MAMLD1: variants seen among roughly 807,000 people sequenced by gnomAD.
The protein encoded by MAMLD1 is mastermind like domain containing 1, also known as mastermind-like domain-containing protein 1.
In MAMLD1, 14 loss-of-function variants were observed where a neutral mutation model predicts 45.0. The ratio of observed to expected loss-of-function variants is 0.31; its 90% CI spans 0.21 to 0.49. MAMLD1 has a LOEUF of 0.49. Among genes scored for constraint, MAMLD1 ranks in the 20% least tolerant of loss-of-function variants. The probability of loss-of-function intolerance (pLI) is 0.99; values close to 1 mark genes in which losing one functional copy is unlikely to be tolerated. For missense variants in MAMLD1, 543 were observed against 603.6 expected, an observed-to-expected ratio of 0.90 and a Z score of 1.05; for synonymous variants, 254 against 247.8, an observed-to-expected ratio of 1.02 and a Z score of -0.24.
intron 6 of MAMLD1, among the ~76,000 whole-genome samples, chrX:150,506,411 C>T (rs1557408828): frequency 9.2e-6 from 1 of 108,462 alleles, no homozygotes; most frequent in East Asian, 2.9e-4. Context: ...CCCTCCCTTC[C>T]TTCCTCCCTT....
At chrX:150,483,569 G>C (rs1387996910) in intron 5 of MAMLD1, among the ~76,000 whole-genome samples, 1 of 112,567 alleles carries the variant, frequency 8.9e-6, no homozygotes, top group African/African-American at 3.2e-5. Context: ...CTTGCACTGG[G>C]CAGAAAGGAG....
chrX:150,481,155 T>C (rs1244192067), intron 5 of MAMLD1, among the ~76,000 whole-genome samples: 1 of 113,110 alleles, frequency 8.8e-6, no homozygotes, highest in African/African-American at 3.2e-5. Flanking sequence ...CTTTGAACGA[T>C]GTGGGAGGCC....
At chrX:150,448,888 T>C (rs1017210345) in intron 2 of MAMLD1, among the ~76,000 whole-genome samples, 1 of 111,816 alleles carries the variant, frequency 8.9e-6, no homozygotes, top group Non-Finnish European at 1.9e-5. Flanking sequence ...TACCCCACCA[T>C]AAGTGGCAAA....
rs72612714 is a variant in MAMLD1, at chrX:150,372,483, G to A, written c.-64+8953G>A. Among the ~76,000 whole-genome samples, 46 of 112,200 alleles carry A rather than the reference G, an allele frequency of 4.1e-4. No individual in the cohort carries two copies. The East Asian group carries it at 4.5e-3, about 11-fold the overall frequency. Reference sequence around the variant, plus strand: ...CAGTTGCCAACGTCACATGGTTTGCGTGTCTAATTCTGAAAGACTGGCATG... The same window carrying A: ...CAGTTGCCAACGTCACATGGTTTGCATGTCTAATTCTGAAAGACTGGCATG... On this transcript the variant is annotated intron_variant, in intron 1 of 7. Transcript: ENST00000370401.
Position 150,512,909 on chromosome X carries a change from G to A in MAMLD1, c.*950G>A. 1 of 1,154,673 alleles carries A rather than the reference G, an allele frequency of 8.7e-7. No homozygotes were observed. Among genetic ancestry groups the A allele is most frequent in the Non-Finnish European group, 1.1e-6 (1 of 871,633 alleles). On this transcript the variant is annotated 3_prime_UTR_variant, in exon 8 of 8. Coordinates refer to ENST00000370401, the MANE Select transcript of MAMLD1 (RefSeq NM_005491.5). ...GATTTCGTCACCTGACTGCAATGAG[G>A]TAGATTTCATTGAAGCTCTCTTGAA... is the stretch of plus-strand genomic sequence containing the variant.
chrX:150,402,242 C>T (rs2033803038), intron 1 of MAMLD1, among the ~76,000 whole-genome samples: 1 of 109,392 alleles, frequency 9.1e-6, no homozygotes, highest in African/African-American at 3.4e-5. Context: ...ACAAACAACC[C>T]CATCAAAAAG....
chrX:150,403,847 A>G (rs111781192), intron 1 of MAMLD1, among the ~76,000 whole-genome samples: 17 of 96,895 alleles, frequency 1.8e-4, no homozygotes, highest in Admixed American at 3.4e-4. Context: ...GAGAGAGAGA[A>G]AGAGAAGGAA....
At chrX:150,368,163 T>C (rs1450141632) in intron 1 of MAMLD1, among the ~76,000 whole-genome samples, 1 of 111,934 alleles carries the variant, frequency 8.9e-6, no homozygotes, top group Non-Finnish European at 1.9e-5. Context: ...TGAACTAGTT[T>C]ACAGTCCCAC....
At chrX:150,365,119 C>T (rs2031314931) in intron 1 of MAMLD1, among the ~76,000 whole-genome samples, 3 of 109,240 alleles carry the variant, frequency 2.7e-5, no homozygotes, top group African/African-American at 1.0e-4. Context: ...CCACCCCCGC[C>T]GCCGCCGCCG....
intron 1 of MAMLD1, among the ~76,000 whole-genome samples, chrX:150,413,346 T>A (rs2034168819): frequency 9.0e-6 from 1 of 111,387 alleles, no homozygotes; most frequent in Non-Finnish European, 1.9e-5. Flanking sequence ...AGCTCAGCCA[T>A]CACTGGAAAT....
At chrX:150,410,979 T>TA (rs2034109751) in intron 1 of MAMLD1, among the ~76,000 whole-genome samples, 1 of 94,886 alleles carries the variant, frequency 1.1e-5, no homozygotes, top group African/African-American at 5.0e-5. Flanking sequence ...ATTATGAAGT[T>TA]TTTTTTGATT....
At chrX:150,454,643 G>A (rs1310894730) in intron 2 of MAMLD1, among the ~76,000 whole-genome samples, 8 of 111,224 alleles carry the variant, frequency 7.2e-5, no homozygotes, top group Non-Finnish European at 1.5e-4. Flanking sequence ...CCAGTCAGTG[G>A]TGCTGTTGAC....
intron 5 of MAMLD1, among the ~76,000 whole-genome samples, chrX:150,486,807 T>A (rs2037004760): frequency 1.8e-5 from 2 of 111,182 alleles, no homozygotes; most frequent in Admixed American, 9.6e-5. Flanking sequence ...GAAAAAAAAA[T>A]TTCAATTGGG....
chrX:150,445,717 G>C, intron 2 of MAMLD1, 105 bp downstream of exon 2: 1 of 583,489 alleles, frequency 1.7e-6, no homozygotes, highest in Non-Finnish European at 2.8e-6. Context: ...TGGTGGCAGG[G>C]ATCCAACTCA....
At chrX:150,372,984 C>G (rs1195127061) in intron 1 of MAMLD1, among the ~76,000 whole-genome samples, 1 of 111,653 alleles carries the variant, frequency 9.0e-6, no homozygotes, top group Non-Finnish European at 1.9e-5. Context: ...TTCTCACCCA[C>G]TAATAGGGCT....
intron 1 of MAMLD1, among the ~76,000 whole-genome samples, chrX:150,403,896 AAAAGAAAGAAGAAAGAAAAAG>A (rs2033887158): frequency 3.0e-5 from 3 of 100,367 alleles, no homozygotes; most frequent in African/African-American, 1.1e-4. Flanking sequence ...AGAAGAAAGA[AAAAGAAAGAAGAAAGAAAAAG>A]AAAGAAAGAC....
chrX:150,420,767 G>C (rs1296643561), intron 1 of MAMLD1, among the ~76,000 whole-genome samples: 1 of 112,480 alleles, frequency 8.9e-6, no homozygotes, highest in African/African-American at 3.2e-5. Flanking sequence ...AGGGGTCAGG[G>C]ACCCACTTGA....
At chrX:150,428,897 C>G (rs909876250) in intron 1 of MAMLD1, among the ~76,000 whole-genome samples, 1 of 111,674 alleles carries the variant, frequency 9.0e-6, no homozygotes, top group Non-Finnish European at 1.9e-5. Flanking sequence ...CTCACCAGTC[C>G]CCTTTACATT....
chrX:150,419,505 T>C (rs1226266329), intron 1 of MAMLD1, among the ~76,000 whole-genome samples: 3 of 108,227 alleles, frequency 2.8e-5, no homozygotes, highest in South Asian at 8.6e-4. Context: ...TTATTTTGCT[T>C]GTTAGTTGAT....
Sources: allele counts gnomAD v4.1 joint callset (sites outside exome capture counted in the v4.1 genomes callset), GRCh38; gene constraint gnomAD v4.1.1; transcripts MANE v1.5; gene names NCBI Gene and HGNC (gene_info 2026-07-23, HGNC 2026-07-21).